The following EPC1 variants were observed in gnomAD, a reference collection of about 807,000 sequenced individuals.
EPC1 encodes the protein enhancer of polycomb 1.
In EPC1, 12 loss-of-function variants were observed where a neutral mutation model predicts 98.4. The observed-to-expected ratio is 0.12, with a 90% confidence interval of 0.08 to 0.20. The LOEUF is 0.20. Ranked by LOEUF, EPC1 falls within the 10% of genes least tolerant of loss-of-function variation. The pLI is 1.00. For synonymous variants in EPC1, 357 were observed against 363.9 expected (o/e 0.98, Z 0.21); for missense variants, 729 against 990.5 (o/e 0.74, Z 3.54).
At chr10:32,376,876 T>C (rs1839881202) in intron 1 of EPC1, among the ~76,000 whole-genome samples, 1 of 152,142 alleles carries the variant, frequency 6.6e-6, no homozygotes, top group Admixed American at 6.5e-5. Context: ...CCAAAAAAAA[T>C]ACGCTTTAGG....
In EPC1 at chr10:32,273,285, A is replaced by C. The variant is rs772432767; in HGVS notation, c.1745-4T>G. 1 of 1,613,512 alleles carries C rather than the reference A, an allele frequency of 6.2e-7. No individual in the cohort carries two copies. Among genetic ancestry groups the C allele is most frequent in the Non-Finnish European group, 8.5e-7 (1 of 1,179,618 alleles). ...TGGTATTGTTCGGCTGTAAATGCTG[A>C]ACATAAAATAAAGAAACACTTTATA... is the stretch of plus-strand genomic sequence containing the variant. On this transcript the variant is annotated splice_polypyrimidine_tract_variant and splice_region_variant and intron_variant, in intron 10 of 13. Transcript: ENST00000319778.
At chr10:32,330,912 A>G (rs1837601478) in intron 1 of EPC1, among the ~76,000 whole-genome samples, 1 of 152,208 alleles carries the variant, frequency 6.6e-6, no homozygotes, top group African/African-American at 2.4e-5. Flanking sequence ...CATCACTACA[A>G]AAGTTAGAAT....
At chr10:32,363,120 C>A (rs1440549430) in intron 1 of EPC1, among the ~76,000 whole-genome samples, 1 of 152,206 alleles carries the variant, frequency 6.6e-6, no homozygotes, top group Admixed American at 6.5e-5. Context: ...GTCACCTGGG[C>A]TAGAGTGCAG....
intron 1 of EPC1, among the ~76,000 whole-genome samples, chr10:32,369,499 C>G (rs752907717): frequency 6.6e-6 from 1 of 151,998 alleles, no homozygotes; most frequent in African/African-American, 2.4e-5. Context: ...AACCACTGTT[C>G]GTCAAAAAAT....
At chr10:32,313,983 T>C (rs1836407576) in intron 1 of EPC1, among the ~76,000 whole-genome samples, 1 of 152,164 alleles carries the variant, frequency 6.6e-6, no homozygotes, top group African/African-American at 2.4e-5. Flanking sequence ...GCTGGATGGG[T>C]AAAATTTCTT....
At chr10:32,314,210 T>C (rs1204715976) in intron 1 of EPC1, among the ~76,000 whole-genome samples, 1 of 152,204 alleles carries the variant, frequency 6.6e-6, no homozygotes, top group Non-Finnish European at 1.5e-5. Flanking sequence ...AACCATAGCT[T>C]ATAATTAAGC....
chr10:32,366,998 G>A (rs142459069), intron 1 of EPC1, among the ~76,000 whole-genome samples: 1 of 152,172 alleles, frequency 6.6e-6, no homozygotes, highest in South Asian at 2.1e-4. Flanking sequence ...ATGTATGTAT[G>A]TATTTTTAAT....
rs115304882 is a variant in EPC1 at position 32,358,727 on chromosome 10, A to G, written c.3+19764T>C. 1.7e-3 allele frequency among the ~76,000 whole-genome samples: 254 copies of G among 152,066 alleles called. 1 individual carries two copies. Among genetic ancestry groups the G allele is most frequent in the African/African-American group, 5.9e-3 (246 of 41,458 alleles). The stretch of plus-strand genomic sequence containing the variant: ...AACCAATGTCTGCTGTTCTTTGAAT[A>G]ATGATAGTGCCAAGTCTACACAAAT... On this transcript the variant is annotated intron_variant, in intron 1 of 13. Transcript: ENST00000375110.
rs558406575 is a variant in EPC1 at position 32,370,758 on chromosome 10, G to A, written c.3+7733C>T. Among the ~76,000 whole-genome samples the A allele has an allele frequency of 2.4e-4, 36 of 152,280 alleles. No individual in the cohort carries two copies. The South Asian group carries it at 7.5e-3, about 32-fold the overall frequency. On this transcript the variant is annotated intron_variant, in intron 1 of 13. Transcript: ENST00000375110. ...CTTGAAATGTGGATAGTGTGACTGG[G>A]AAAATGAACTTTAAAATTTAAGCTA...
At chr10:32,344,772 G>GT (rs1467187391) in intron 1 of EPC1, among the ~76,000 whole-genome samples, 2 of 152,202 alleles carry the variant, frequency 1.3e-5, no homozygotes, top group African/African-American at 4.8e-5. Context: ...GGGCAACAGA[G>GT]TGAGACTCCA....
At chr10:32,359,712 G>A (rs1839383459) in intron 1 of EPC1, among the ~76,000 whole-genome samples, 1 of 152,122 alleles carries the variant, frequency 6.6e-6, no homozygotes, top group Non-Finnish European at 1.5e-5. Flanking sequence ...ATAATATTGT[G>A]TTGTAAAGGC....
intron 1 of EPC1, among the ~76,000 whole-genome samples, chr10:32,358,631 T>TAA (rs752276859): frequency 1.7e-3 from 46 of 26,820 alleles, no homozygotes; most frequent in African/African-American, 5.0e-3. Context: ...GGGAACGGAG[T>TAA]AAAAAAAAAA....
Position 32,346,939 on chromosome 10 carries a change from C to A in EPC1, c.-24G>T. 1 of 1,610,562 alleles carries A rather than the reference C, an allele frequency of 6.2e-7. No homozygotes were observed. Among genetic ancestry groups the A allele is most frequent in the Non-Finnish European group, 8.5e-7 (1 of 1,179,718 alleles). On this transcript the variant is annotated 5_prime_UTR_variant, in exon 1 of 14. Coordinates refer to ENST00000319778, the MANE Select transcript of EPC1 (RefSeq NM_001272004.3). ...ATCTCAGGCGCAGCAGATACCTCTCCGCTCTGGGGAAACGGCCCCGGCCAG... is the reference window on the plus strand; with the variant it reads ...ATCTCAGGCGCAGCAGATACCTCTCAGCTCTGGGGAAACGGCCCCGGCCAG...
intron 1 of EPC1, among the ~76,000 whole-genome samples, chr10:32,362,941 T>A (rs1173804240): frequency 6.6e-6 from 1 of 152,204 alleles, no homozygotes; most frequent in Non-Finnish European, 1.5e-5. Context: ...CTTTACACCA[T>A]ACCTCCTTGG....
In EPC1 at chr10:32,323,261, C is replaced by T. The variant is rs549598452; in HGVS notation, c.154-17330G>A. Among the ~76,000 whole-genome samples, 6 of 152,128 alleles carry T rather than the reference C, an allele frequency of 3.9e-5. No individual in the cohort carries two copies. The South Asian group carries it at 1.2e-3, about 32-fold the overall frequency. On this transcript the variant is annotated intron_variant, in intron 1 of 13. Transcript: ENST00000319778. ...AGTTTCGCCAAAACCACAAAATCCCCCCCAGTGTAATTTCTGATATTTGTA... is the reference window on the plus strand; with the variant it reads ...AGTTTCGCCAAAACCACAAAATCCCTCCCAGTGTAATTTCTGATATTTGTA...
intron 1 of EPC1, among the ~76,000 whole-genome samples, chr10:32,362,786 T>C (rs146221446): frequency 6.3e-4 from 96 of 152,246 alleles, no homozygotes; most frequent in African/African-American, 2.3e-3. Flanking sequence ...GGATACCCCA[T>C]CTGCTTGCTT....
intron 1 of EPC1, among the ~76,000 whole-genome samples, chr10:32,352,257 C>T (rs1397930124): frequency 1.3e-5 from 2 of 151,080 alleles, no homozygotes; most frequent in East Asian, 2.0e-4. Flanking sequence ...CTGTGTTAGC[C>T]AGGATGGTCT....
chr10:32,359,127 T>A (rs1026980925), intron 1 of EPC1, among the ~76,000 whole-genome samples: 2 of 152,216 alleles, frequency 1.3e-5, no homozygotes, highest in Non-Finnish European at 2.9e-5. Flanking sequence ...GAAATTTCAT[T>A]CTAGGCAATT....
chr10:32,362,358 T>C (rs1221688271), intron 1 of EPC1, among the ~76,000 whole-genome samples: 2 of 152,002 alleles, frequency 1.3e-5, no homozygotes, highest in Non-Finnish European at 2.9e-5. Context: ...GGGGGTGGAT[T>C]TCTCATGAAT....
Sources: allele counts gnomAD v4.1 joint callset (sites outside exome capture counted in the v4.1 genomes callset), GRCh38; gene constraint gnomAD v4.1.1; transcripts MANE v1.5; gene names NCBI Gene and HGNC (gene_info 2026-07-23, HGNC 2026-07-21).